The following CLSTN2 variants were observed in gnomAD, a reference collection of about 807,000 sequenced individuals.
CLSTN2 encodes calsyntenin-2.
In CLSTN2, 48 loss-of-function variants were observed where a neutral mutation model predicts 101.2. That is an observed-to-expected ratio of 0.47 (90% CI 0.38 to 0.60). CLSTN2 has a LOEUF of 0.60. Ranked by LOEUF, CLSTN2 falls within the 20% of genes least tolerant of loss-of-function variation. The pLI is 0.00. For missense variants in CLSTN2, 1,160 were observed against 1,238.2 expected, an observed-to-expected ratio of 0.94 and a Z score of 0.95; for synonymous variants, 481 against 463.6, an observed-to-expected ratio of 1.04 and a Z score of -0.48.
At chr3:140,263,474 G>C (rs1391203447) in intron 2 of CLSTN2, among the ~76,000 whole-genome samples, 1 of 152,138 alleles carries the variant, frequency 6.6e-6, no homozygotes, top group Non-Finnish European at 1.5e-5. Flanking sequence ...GCAGGTTGTG[G>C]GGTGTATTGC....
intron 1 of CLSTN2, among the ~76,000 whole-genome samples, chr3:139,975,348 G>C (rs1463250900): frequency 6.6e-6 from 1 of 152,100 alleles, no homozygotes; most frequent in Non-Finnish European, 1.5e-5. Context: ...CAGGACCTGG[G>C]CTTGATTGTG....
rs1559833688 is a variant in CLSTN2 at position 140,304,345 on chromosome 3, T to TAAATTGG, written c.233-99283_233-99282insAATTGGA. On this transcript the variant is annotated intron_variant, in intron 2 of 16. Transcript: ENST00000458420. ...ACAATAGACTAGGTGGTTTAAACAATAGGAATTTATTTCTCACAGTTGTAG... is the reference window on the plus strand; with the variant it reads ...ACAATAGACTAGGTGGTTTAAACAATAAATTGGAGGAATTTATTTCTCACAGTTGTAG... Among the ~76,000 whole-genome samples, 17 of 152,308 alleles carry TAAATTGG rather than the reference T, an allele frequency of 1.1e-4. No homozygotes were observed. In the East Asian group the frequency reaches 3.1e-3, roughly 28 times the overall value.
At chr3:140,297,648 TA>T (rs2087016388) in intron 2 of CLSTN2, among the ~76,000 whole-genome samples, 1 of 152,168 alleles carries the variant, frequency 6.6e-6, no homozygotes, top group African/African-American at 2.4e-5. Flanking sequence ...ACAGGCCATA[TA>T]AAAATGGGTA....
chr3:140,311,376 G>T (rs2087167198), intron 2 of CLSTN2, among the ~76,000 whole-genome samples: 1 of 125,188 alleles, frequency 8.0e-6, no homozygotes, highest in African/African-American at 3.2e-5. Context: ...CCTGATCTTG[G>T]CTCACTGCAA....
chr3:139,988,237 T>C (rs1293209215), intron 1 of CLSTN2, among the ~76,000 whole-genome samples: 1 of 152,182 alleles, frequency 6.6e-6, no homozygotes, highest in Non-Finnish European at 1.5e-5. Context: ...TTTCTTTACT[T>C]TGTTGGGCCC....
chr3:140,002,326 C>G (rs941908189), intron 1 of CLSTN2, among the ~76,000 whole-genome samples: 1 of 152,104 alleles, frequency 6.6e-6, no homozygotes, highest in Admixed American at 6.6e-5. Flanking sequence ...TGTTAAGCAC[C>G]TTTTCATATG....
chr3:139,947,994 C>G (rs1199623379), intron 1 of CLSTN2, among the ~76,000 whole-genome samples: 3 of 152,088 alleles, frequency 2.0e-5, no homozygotes, highest in Non-Finnish European at 4.4e-5. Flanking sequence ...TTCAGTTTTG[C>G]TTTTTAAATA....
chr3:140,023,593 T>G (rs1441782933), intron 1 of CLSTN2, among the ~76,000 whole-genome samples: 1 of 151,976 alleles, frequency 6.6e-6, no homozygotes, highest in Non-Finnish European at 1.5e-5. Flanking sequence ...GAAAGCAGAC[T>G]CCATTTGATG....
intron 1 of CLSTN2, among the ~76,000 whole-genome samples, chr3:140,169,943 T>G (rs556363149): frequency 7.2e-5 from 11 of 152,308 alleles, no homozygotes; most frequent in South Asian, 6.2e-4. Flanking sequence ...AATAAGTATC[T>G]TCATTTTACA....
At chr3:140,516,171 C>T (rs368650272) in intron 8 of CLSTN2, among the ~76,000 whole-genome samples, 61 of 152,136 alleles carry the variant, frequency 4.0e-4, no homozygotes, top group African/African-American at 1.4e-3. Flanking sequence ...CTGTTTGTGA[C>T]CATTTGCATG....
At chr3:140,233,842 G>A (rs754009770) in intron 2 of CLSTN2, among the ~76,000 whole-genome samples, 5 of 152,162 alleles carry the variant, frequency 3.3e-5, no homozygotes, top group South Asian at 2.1e-4. Context: ...CTCTAGAATG[G>A]GGTGCTGCAA....
At chr3:140,140,704 G>T (rs2009683248) in intron 1 of CLSTN2, among the ~76,000 whole-genome samples, 2 of 152,186 alleles carry the variant, frequency 1.3e-5, no homozygotes, top group African/African-American at 4.8e-5. Flanking sequence ...TAAATAGTTT[G>T]TTGTTTTATT....
intron 1 of CLSTN2, among the ~76,000 whole-genome samples, chr3:140,171,727 TATATA>T (rs1182358240): frequency 1.7e-5 from 2 of 117,168 alleles, no homozygotes; most frequent in African/African-American, 6.9e-5. Context: ...TTATATATTA[TATATA>T]ATATATTAAT....
chr3:140,250,732 C>T (rs956304410), intron 2 of CLSTN2, among the ~76,000 whole-genome samples: 1 of 152,134 alleles, frequency 6.6e-6, no homozygotes, highest in Admixed American at 6.5e-5. Flanking sequence ...TGAAAATCTA[C>T]CCAAGGGGAG....
intron 2 of CLSTN2, among the ~76,000 whole-genome samples, chr3:140,275,225 T>C (rs1229850944): frequency 6.6e-6 from 1 of 151,660 alleles, no homozygotes. Context: ...TTGTTTGACT[T>C]CCTCTTTTCC....
intron 1 of CLSTN2, among the ~76,000 whole-genome samples, chr3:140,109,684 A>G (rs1178521003): frequency 6.6e-6 from 1 of 152,186 alleles, no homozygotes. Context: ...GGAACTAAGG[A>G]AGTTCCCAGG....
At chr3:140,321,550 T>TAATAATGTAACA (rs2087283094) in intron 2 of CLSTN2, among the ~76,000 whole-genome samples, 1 of 152,146 alleles carries the variant, frequency 6.6e-6, no homozygotes, top group East Asian at 1.9e-4. Context: ...CCCTCCAAGC[T>TAATAATGTAACA]AATAATGTAA....
At chr3:140,472,805 G>A (rs1469256146) in intron 8 of CLSTN2, among the ~76,000 whole-genome samples, 2 of 152,162 alleles carry the variant, frequency 1.3e-5, no homozygotes, top group Non-Finnish European at 2.9e-5. Flanking sequence ...GTGTGTTTTG[G>A]GGGTAGGGAG....
chr3:140,498,739 G>A (rs1208248610), intron 8 of CLSTN2, among the ~76,000 whole-genome samples: 3 of 152,078 alleles, frequency 2.0e-5, no homozygotes, highest in Non-Finnish European at 4.4e-5. Context: ...GGCTAAAGTG[G>A]GTACCTGAGG....
Sources: allele counts gnomAD v4.1 joint callset (sites outside exome capture counted in the v4.1 genomes callset), GRCh38; gene constraint gnomAD v4.1.1; transcripts MANE v1.5; gene names NCBI Gene and HGNC (gene_info 2026-07-23, HGNC 2026-07-21).